The following RABL6 variants were observed in gnomAD, a reference collection of about 807,000 sequenced individuals.
RABL6 encodes the protein rab-like protein 6.
Under a neutral mutation model 72.9 loss-of-function variants are expected in RABL6, and 28 were observed. The ratio of observed to expected loss-of-function variants is 0.38; its 90% CI spans 0.28 to 0.53. The LOEUF (loss-of-function observed/expected upper bound fraction) is 0.53, where lower values mean the gene tolerates loss of function less well. Ranked by LOEUF, RABL6 falls within the 20% of genes least tolerant of loss-of-function variation. The probability of loss-of-function intolerance (pLI) is 0.80; values close to 1 mark genes in which losing one functional copy is unlikely to be tolerated. For synonymous variants in RABL6, 477 were observed against 421.2 expected (o/e 1.13, Z -1.62); for missense variants, 1,029 against 1,008.4 (o/e 1.02, Z -0.28).
chr9:136,835,952 T>C, intron 8 of RABL6, 107 bp downstream of exon 8: 1 of 1,129,136 alleles, frequency 8.9e-7, no homozygotes, highest in South Asian at 1.4e-5. Flanking sequence ...GTGTCCCCTG[T>C]TTGGGGTAAA....
chr9:136,837,042 T>A, intron 8 of RABL6: 1 of 492,856 alleles, frequency 2.0e-6, no homozygotes. Context: ...CCCGGCTAAT[T>A]TTTTTTGTAT....
At chr9:136,830,420 G>A (rs1039521984) in intron 5 of RABL6, among the ~76,000 whole-genome samples, 2 of 152,256 alleles carry the variant, frequency 1.3e-5, no homozygotes, top group South Asian at 2.1e-4. Context: ...AGGACTGACC[G>A]CAGGCACCCT....
At chr9:136,835,588 A>C in intron 7 of RABL6, 154 bp from the exon 8 acceptor site, 1 of 636,118 alleles carries the variant, frequency 1.6e-6, no homozygotes, top group South Asian at 2.1e-5. Context: ...AGTGGGGCCC[A>C]GCGCAGAGCT....
At chr9:136,813,211 G>T in intron 1 of RABL6, 1 of 517,480 alleles carries the variant, frequency 1.9e-6, no homozygotes. Flanking sequence ...TGATTGCCCT[G>T]CCCCCAGTTT....
At chr9:136,829,065 T>C (rs756424317) in intron 4 of RABL6, among the ~76,000 whole-genome samples, 5 of 152,196 alleles carry the variant, frequency 3.3e-5, no homozygotes, top group Non-Finnish European at 5.9e-5. Flanking sequence ...CACATCTAGC[T>C]GAGGGCAGCT....
In RABL6 at chr9:136,812,540, CAG is replaced by C. The variant is rs558083539; in HGVS notation, c.130+4217_130+4218del. Among the ~76,000 whole-genome samples, 15 of 151,846 alleles carry C rather than the reference CAG, an allele frequency of 9.9e-5. No individual in the cohort carries two copies. The South Asian group carries it at 2.7e-3, about 27-fold the overall frequency. On this transcript the variant is annotated intron_variant, in intron 1 of 14. Coordinates refer to ENST00000311502, the MANE Select transcript of RABL6 (RefSeq NM_024718.5). Reference sequence around the variant, plus strand: ...CACCACTGCGCTCCAGCCTGGGCGACAGAGTGAGACTTCGTCTTAAAAAAAAA... The same window carrying C: ...CACCACTGCGCTCCAGCCTGGGCGACAGTGAGACTTCGTCTTAAAAAAAAA...
rs770241098 is a variant in RABL6, at chr9:136,840,971, A to G, written c.*449A>G. The stretch of plus-strand genomic sequence containing the variant: ...CCGCTTCCGGCCGGGAGCCCTGAAC[A>G]CGGGTGTGCAGACTCACCCTAAAGG... On this transcript the variant is annotated 3_prime_UTR_variant, in exon 15 of 15. Coordinates refer to ENST00000311502, the MANE Select transcript of RABL6 (RefSeq NM_024718.5). 1 of 1,454,456 alleles carries G rather than the reference A, an allele frequency of 6.9e-7. No homozygotes were observed. The highest frequency in any genetic ancestry group is 9.1e-7 in the Non-Finnish European group (1 of 1,099,952). The allele number at this position is 1,454,456 out of a possible 1,614,324, so 90.1% of individuals were successfully genotyped here.
At chr9:136,811,318 A>T (rs561085999) in intron 1 of RABL6, among the ~76,000 whole-genome samples, 6 of 152,222 alleles carry the variant, frequency 3.9e-5, no homozygotes, top group East Asian at 3.9e-4. Context: ...GAGGTAGTTT[A>T]AAAAAATTGT....
intron 1 of RABL6, among the ~76,000 whole-genome samples, chr9:136,818,734 GACTT>G (rs1848177756): frequency 1.3e-5 from 2 of 148,520 alleles, no homozygotes; most frequent in Non-Finnish European, 3.0e-5. Flanking sequence ...AACAGAGTGA[GACTT>G]AATCAAAAAA....
Position 136,839,216 on chromosome 9 carries a change from A to G in RABL6, c.1494-6A>G. On this transcript the variant is annotated splice_region_variant and splice_polypyrimidine_tract_variant and intron_variant, in intron 11 of 14. Transcript: ENST00000311502. ...ACCCTGACTGACCCTCTGCTTGTCC[A>G]CAAAGGTCCTCCATACCAGCTTCGA... The G allele has an allele frequency of 6.3e-7, 1 of 1,595,934 alleles. No homozygotes were observed. The highest frequency in any genetic ancestry group is 1.1e-5 in the South Asian group (1 of 89,484).
intron 1 of RABL6, among the ~76,000 whole-genome samples, chr9:136,812,335 G>C (rs765244639): frequency 6.6e-6 from 1 of 152,094 alleles, no homozygotes; most frequent in African/African-American, 2.4e-5. Context: ...TGAGGTGGGC[G>C]GATTACATGA....
intron 7 of RABL6, among the ~76,000 whole-genome samples, chr9:136,834,703 T>A (rs1490031367): frequency 1.3e-5 from 2 of 152,100 alleles, no homozygotes; most frequent in Admixed American, 1.3e-4. Context: ...GGTCTCGATC[T>A]CTTGACCTCG....
intron 1 of RABL6, among the ~76,000 whole-genome samples, 157 bp from the exon 2 acceptor site, chr9:136,823,368 C>T (rs1335991296): frequency 6.6e-6 from 1 of 152,242 alleles, no homozygotes; most frequent in Non-Finnish European, 1.5e-5. Context: ...ACCCACCCAT[C>T]GTCTTCCTCC....
chr9:136,837,007 G>A, intron 8 of RABL6: 1 of 419,184 alleles, frequency 2.4e-6, no homozygotes, highest in South Asian at 2.1e-5. Flanking sequence ...CCAAGTAGCT[G>A]GGGCTACAGG....
rs1385702076 is a variant in RABL6 at position 136,822,943 on chromosome 9, C to CCGGG, written c.131-582_131-581insCGGG. Among the ~76,000 whole-genome samples the CCGGG allele has an allele frequency of 2.8e-3, 431 of 152,216 alleles. 1 individual carries two copies. The highest frequency in any genetic ancestry group is 0.01 in the African/African-American group (419 of 41,516). On this transcript the variant is annotated intron_variant, in intron 1 of 14. Coordinates refer to ENST00000311502, the MANE Select transcript of RABL6 (RefSeq NM_024718.5). Reference sequence around the variant, plus strand: ...CTCTACTAAAAATACAAAAAATTAGCTGGACATGGTGGCGGGCGCCTGTAG... The same window carrying CCGGG: ...CTCTACTAAAAATACAAAAAATTAGCCGGGTGGACATGGTGGCGGGCGCCTGTAG...
intron 5 of RABL6, 72 bp from the exon 6 acceptor site, chr9:136,831,649 A>C: frequency 1.9e-6 from 3 of 1,594,456 alleles, no homozygotes; most frequent in Non-Finnish European, 2.6e-6. Context: ...GCCTGGGCGC[A>C]CAGCACCTTT....
intron 5 of RABL6, 128 bp downstream of exon 5, chr9:136,829,612 C>A: frequency 1.2e-6 from 1 of 827,222 alleles, no homozygotes; most frequent in Non-Finnish European, 2.0e-6. Context: ...TCTTGCTGGG[C>A]AGCTGTGGCA....
At chr9:136,838,048 GC>G in intron 10 of RABL6, 33 bp downstream of exon 10, 1 of 1,548,518 alleles carries the variant, frequency 6.5e-7, no homozygotes, top group South Asian at 1.2e-5. Flanking sequence ...CTCTCCCATT[GC>G]CCCCCAGCCT....
intron 11 of RABL6, 48 bp downstream of exon 11, chr9:136,839,169 C>A (rs1222464160): frequency 2.5e-6 from 4 of 1,601,376 alleles, no homozygotes; most frequent in Non-Finnish European, 2.6e-6. Flanking sequence ...CCGGGTGGGG[C>A]AGTTCAGGAC....
Sources: gnomAD v4.1 joint callset for allele counts (sites outside exome capture counted in the v4.1 genomes callset) on GRCh38, gnomAD v4.1.1 for gene constraint, MANE v1.5 for transcripts, NCBI Gene and HGNC (gene_info 2026-07-23, HGNC 2026-07-21) for gene names.